Variants in FAT3 observed in about 807,000 individuals in gnomAD.
FAT3 encodes FAT atypical cadherin 3, also known as protocadherin Fat 3.
A neutral mutation model predicts 310.2 loss-of-function variants in FAT3; 95 were observed. The observed-to-expected ratio is 0.31, with a 90% CI of 0.26 to 0.36. The LOEUF is 0.36. FAT3 is among the 10% of genes least tolerant of loss of function. The pLI is 1.00. For synonymous variants in FAT3, 2,314 were observed against 2,192.9 expected, an observed-to-expected ratio of 1.06 and a Z score of -1.54; for missense variants, 5,408 against 5,715.6, an observed-to-expected ratio of 0.95 and a Z score of 1.74.
In FAT3 at chr11:92,661,588, C is replaced by T. The variant is rs753517697; in HGVS notation, c.3608-35796C>T. 1.1e-3 allele frequency among the ~76,000 whole-genome samples: 161 copies of T among 151,658 alleles called. 2 individuals carry two copies. Among genetic ancestry groups the T allele is most frequent in the Non-Finnish European group, 1.5e-3 (101 of 67,924 alleles). ...TTTTTTTTTGCATTCTGCTATAATG[C>T]ACTGGTGTCTTCTTTTTTTAAGAAT... On this transcript the variant is annotated intron_variant, in intron 3 of 27. Coordinates refer to ENST00000525166, the MANE Select transcript of FAT3 (RefSeq NM_001367949.2).
chr11:92,514,078 T>TGAGC (rs1953396278), intron 2 of FAT3, among the ~76,000 whole-genome samples: 1 of 152,210 alleles, frequency 6.6e-6, no homozygotes, highest in Admixed American at 6.5e-5. Context: ...ACTGATTCAG[T>TGAGC]GAGCACAATG....
chr11:92,735,608 A>G (rs1212350332), intron 4 of FAT3, among the ~76,000 whole-genome samples: 1 of 152,048 alleles, frequency 6.6e-6, no homozygotes, highest in Non-Finnish European at 1.5e-5. Flanking sequence ...ATAGAAATTA[A>G]TGACAGCAGT....
chr11:92,243,860 A>G (rs1443460960), intron 1 of FAT3, among the ~76,000 whole-genome samples: 1 of 152,110 alleles, frequency 6.6e-6, no homozygotes, highest in Non-Finnish European at 1.5e-5. Context: ...TTATTAAAAT[A>G]TTTTAAAATA....
intron 1 of FAT3, among the ~76,000 whole-genome samples, chr11:92,247,426 A>G (rs938466094): frequency 2.0e-5 from 3 of 151,652 alleles, no homozygotes; most frequent in Admixed American, 6.6e-5. Context: ...CAACTGCTGA[A>G]GTAATTCACC....
chr11:92,279,865 A>C (rs980102974), intron 1 of FAT3, among the ~76,000 whole-genome samples: 1 of 152,154 alleles, frequency 6.6e-6, no homozygotes, highest in African/African-American at 2.4e-5. Context: ...TAAAAGGATA[A>C]GATAACTGAG....
intron 13 of FAT3, among the ~76,000 whole-genome samples, chr11:92,813,228 G>A (rs567335860): frequency 1.3e-5 from 2 of 152,146 alleles, no homozygotes; most frequent in Admixed American, 1.3e-4. Context: ...TCCTGACCTC[G>A]TTTGCAGATC....
At chr11:92,592,086 A>C (rs1281588469) in intron 3 of FAT3, among the ~76,000 whole-genome samples, 1 of 152,070 alleles carries the variant, frequency 6.6e-6, no homozygotes, top group African/African-American at 2.4e-5. Context: ...ATAAAACGAG[A>C]AACGATGAGG....
chr11:92,535,691 G>C (rs1954233499), intron 3 of FAT3, among the ~76,000 whole-genome samples: 1 of 152,016 alleles, frequency 6.6e-6, no homozygotes, highest in Non-Finnish European at 1.5e-5. Context: ...TAACTATCTG[G>C]GTTGTTCTAA....
In FAT3 at chr11:92,837,755, G is replaced by T. The variant is rs1471437423; in HGVS notation, c.10317G>T (p.Val3439=). The change falls in exon 17 of 28, where the codon GTG becomes GTT. Residue 3439 remains valine, a synonymous_variant. Coordinates refer to ENST00000525166, the MANE Select transcript of FAT3 (RefSeq NM_001367949.2). The part of the protein sequence containing the change: ...TATVNIDISD[V]NDNSPVFTPA... ...CTGTCAACATTGATATTTCTGATGT[G>T]AATGACAACAGCCCGGTGTTTACAC... 6.2e-7 allele frequency: 1 copy of T among 1,613,992 alleles called. No homozygotes were observed. The highest frequency in any genetic ancestry group is 1.1e-5 in the South Asian group (1 of 91,078).
intron 1 of FAT3, among the ~76,000 whole-genome samples, chr11:92,344,362 G>A (rs1948353915): frequency 6.6e-6 from 1 of 152,064 alleles, no homozygotes; most frequent in Non-Finnish European, 1.5e-5. Flanking sequence ...TTTGTCCAGC[G>A]TGTCCATGCT....
intron 4 of FAT3, among the ~76,000 whole-genome samples, chr11:92,714,123 T>A (rs1378072651): frequency 6.6e-6 from 1 of 152,224 alleles, no homozygotes. Context: ...TTATTTTTTT[T>A]ATAGACTGTT....
At chr11:92,816,532 C>G (rs1044295933) in intron 13 of FAT3, among the ~76,000 whole-genome samples, 1 of 152,122 alleles carries the variant, frequency 6.6e-6, no homozygotes, top group Non-Finnish European at 1.5e-5. Flanking sequence ...ACTGGGGAGA[C>G]TTGGTGAGCA....
rs1353797825 is a variant in FAT3, at chr11:92,801,481, T to C, written c.8468T>C (p.Ile2823Thr). Reference protein sequence around the residue: ...VFETSSYDTIIMEGMPVGTKL... With the variant: ...VFETSSYDTITMEGMPVGTKL... ...GAAACTTCAAGCTATGACACCATTA[T>C]AATGGAAGGGATGCCTGTTGGCACC... The change falls in exon 10 of 28, where the codon ATA becomes ACA. Residue 2823 changes from isoleucine to threonine, a missense_variant. This residue lies in a region of FAT3 where 4,588 missense variants were observed against 4,809.8 expected (regional missense o/e 0.95). Transcript: ENST00000525166. The C allele has an allele frequency of 6.2e-7, 1 of 1,613,406 alleles. No homozygotes were observed. Among genetic ancestry groups the C allele is most frequent in the Non-Finnish European group, 8.5e-7 (1 of 1,179,646 alleles).
chr11:92,595,292 G>T (rs541723643), intron 3 of FAT3, among the ~76,000 whole-genome samples: 1 of 152,118 alleles, frequency 6.6e-6, no homozygotes, highest in Admixed American at 6.5e-5. Flanking sequence ...AGGCTTCTCA[G>T]AGAGTCCTCC....
chr11:92,635,754 C>T (rs1022602217), intron 3 of FAT3, among the ~76,000 whole-genome samples: 2 of 152,134 alleles, frequency 1.3e-5, no homozygotes, highest in Non-Finnish European at 2.9e-5. Context: ...ACTGGAGTGA[C>T]TTAAATACTT....
intron 2 of FAT3, among the ~76,000 whole-genome samples, chr11:92,361,633 T>G (rs1003992198): frequency 5.9e-5 from 9 of 151,968 alleles, no homozygotes; most frequent in African/African-American, 2.2e-4. Flanking sequence ...GCAATATATT[T>G]CTGTTGCTTA....
intron 1 of FAT3, among the ~76,000 whole-genome samples, chr11:92,340,720 T>C (rs556987708): frequency 6.6e-6 from 1 of 152,292 alleles, no homozygotes; most frequent in East Asian, 1.9e-4. Context: ...GAATATTCTG[T>C]GGGTAGTCCC....
intron 2 of FAT3, among the ~76,000 whole-genome samples, chr11:92,492,693 TC>T (rs1952644575): frequency 6.6e-6 from 1 of 152,048 alleles, no homozygotes; most frequent in African/African-American, 2.4e-5. Context: ...GGTCCCAACA[TC>T]TAAATCTGGT....
chr11:92,617,958 C>T (rs916775355), intron 3 of FAT3, among the ~76,000 whole-genome samples: 15 of 152,156 alleles, frequency 9.9e-5, no homozygotes, highest in African/African-American at 2.2e-4. Context: ...GCAGTCTGTC[C>T]GTTCTCAGAT....
Sources: gnomAD v4.1 joint callset for allele counts (sites outside exome capture counted in the v4.1 genomes callset) on GRCh38, gnomAD v4.1.1 for gene constraint, gnomAD v4.1.1 regional missense constraint, MANE v1.5 for transcripts, NCBI Gene and HGNC (gene_info 2026-07-23, HGNC 2026-07-21) for gene names.